Variants in OPCML observed in about 807,000 individuals in gnomAD.
The protein encoded by OPCML is opioid binding protein/cell adhesion molecule like.
A neutral mutation model predicts 37.8 loss-of-function variants in OPCML; 13 were observed. The ratio of observed to expected loss-of-function variants is 0.34; its 90% CI spans 0.22 to 0.55. OPCML has a LOEUF of 0.55. OPCML is among the 20% of genes least tolerant of loss of function. The pLI is 0.91. For synonymous variants in OPCML, 176 were observed against 168.8 expected, an observed-to-expected ratio of 1.04 and a Z score of -0.33; for missense variants, 341 against 435.6, an observed-to-expected ratio of 0.78 and a Z score of 1.93.
chr11:132,743,704 A>C (rs1323371208), intron 2 of OPCML, among the ~76,000 whole-genome samples: 3 of 152,218 alleles, frequency 2.0e-5, no homozygotes. Context: ...GTCACATTTT[A>C]CACCACATTC....
At chr11:132,585,503 G>A (rs2096470708) in intron 3 of OPCML, among the ~76,000 whole-genome samples, 1 of 152,066 alleles carries the variant, frequency 6.6e-6, no homozygotes, top group South Asian at 2.1e-4. Context: ...GGCTTTCTCT[G>A]GCCTATCATG....
At position 132,683,888 on chromosome 11, in the gene OPCML, G is replaced by T. The variant is rs542888309; in HGVS notation, c.147-26569C>A. On this transcript the variant is annotated intron_variant, in intron 2 of 7. Transcript: ENST00000524381. ...TGGGATTGCATTGCATCATATCAAA[G>T]CTCCCTTTCAGTTTTAATATTCTAT... 7.2e-5 allele frequency among the ~76,000 whole-genome samples: 11 copies of T among 152,132 alleles called. No individual in the cohort carries two copies. In the East Asian group the frequency reaches 1.6e-3, roughly 21 times the overall value.
chr11:132,859,820 T>C (rs1250183372), intron 2 of OPCML, among the ~76,000 whole-genome samples: 7 of 152,358 alleles, frequency 4.6e-5, no homozygotes, highest in Middle Eastern at 3.4e-3. Context: ...ATGTTCTTAA[T>C]TTTGTAAACA....
chr11:132,598,823 T>TA (rs1003406742), intron 3 of OPCML, among the ~76,000 whole-genome samples: 18 of 152,256 alleles, frequency 1.2e-4, no homozygotes, highest in African/African-American at 4.1e-4. Context: ...ATGTTTTTTT[T>TA]AAAAAAATTT....
chr11:132,861,464 T>C (rs1942296899), intron 2 of OPCML, among the ~76,000 whole-genome samples: 1 of 152,236 alleles, frequency 6.6e-6, no homozygotes, highest in Admixed American at 6.5e-5. Context: ...CAAATATACA[T>C]ATGTACTTGC....
intron 4 of OPCML, among the ~76,000 whole-genome samples, chr11:132,464,782 A>G (rs927575031): frequency 6.6e-6 from 1 of 152,114 alleles, no homozygotes; most frequent in African/African-American, 2.4e-5. Context: ...TTTTCACACA[A>G]TTAAAAAATG....
At chr11:132,938,437 A>T (rs968443851) in intron 2 of OPCML, among the ~76,000 whole-genome samples, 1 of 152,204 alleles carries the variant, frequency 6.6e-6, no homozygotes, top group Non-Finnish European at 1.5e-5. Context: ...AAGTGTGGGG[A>T]TAGAGGAAGA....
chr11:133,140,945 ACGAC>A (rs1949794979), intron 1 of OPCML, among the ~76,000 whole-genome samples: 1 of 11,128 alleles, frequency 9.0e-5, no homozygotes, highest in East Asian at 0.071. Context: ...GAAGAAGAAG[ACGAC>A]GAAGAAGAAG....
intron 3 of OPCML, among the ~76,000 whole-genome samples, chr11:132,610,190 A>G (rs1039527752): frequency 1.3e-5 from 2 of 152,160 alleles, no homozygotes; most frequent in Non-Finnish European, 2.9e-5. Context: ...GCTTAGGAAC[A>G]CCTATGCCTG....
At chr11:133,395,791 G>A (rs1236835251) in intron 1 of OPCML, among the ~76,000 whole-genome samples, 1 of 152,068 alleles carries the variant, frequency 6.6e-6, no homozygotes, top group Admixed American at 6.5e-5. Flanking sequence ...CTATAGCTCT[G>A]TAGTACAATT....
At chr11:133,153,134 C>T (rs1950010836) in intron 1 of OPCML, among the ~76,000 whole-genome samples, 2 of 152,064 alleles carry the variant, frequency 1.3e-5, no homozygotes, top group African/African-American at 4.8e-5. Context: ...GTCAAGCCTC[C>T]CACATTCTGC....
chr11:133,519,507 T>C (rs1948357076), intron 1 of OPCML, among the ~76,000 whole-genome samples: 1 of 152,030 alleles, frequency 6.6e-6, no homozygotes, highest in African/African-American at 2.4e-5. Flanking sequence ...AAAATATAGC[T>C]AAAAAATAAT....
Position 132,570,804 on chromosome 11 carries a change from T to TGAGAGAGAGAGAGAGAGAGAGAG in OPCML, c.380-41619_380-41618insCTCTCTCTCTCTCTCTCTCTCTC. Among the ~76,000 whole-genome samples the TGAGAGAGAGAGAGAGAGAGAGAG allele has an allele frequency of 9.9e-4, 90 of 90,748 alleles. 3 individuals are homozygous for TGAGAGAGAGAGAGAGAGAGAGAG. The highest frequency in any genetic ancestry group is 3.5e-3 in the African/African-American group (71 of 20,128). 59.5% of individuals were successfully genotyped at this position (90,748 alleles called of 152,430 possible). A position where few individuals can be genotyped will look rare whatever the true frequency, so the allele number is the denominator to read the frequency against. ...ATATATATATATATATATATATATT[T>TGAGAGAGAGAGAGAGAGAGAGAG]AGAGAGAGAGAGAGAGGATATATAC... On this transcript the variant is annotated intron_variant, in intron 3 of 7. Transcript: ENST00000524381.
At chr11:133,400,721 C>A (rs923305176) in intron 1 of OPCML, among the ~76,000 whole-genome samples, 1 of 152,308 alleles carries the variant, frequency 6.6e-6, no homozygotes, top group South Asian at 2.1e-4. Context: ...GGAGCAGTCT[C>A]CAATTCTCTG....
intron 1 of OPCML, chr11:133,009,082 C>A (rs1464254648): frequency 1.3e-5 from 13 of 985,338 alleles, no homozygotes; most frequent in Non-Finnish European, 1.6e-5. Flanking sequence ...CATGTATGGG[C>A]AGGTTTAGTG....
chr11:132,520,209 A>G (rs1237199657), intron 4 of OPCML, among the ~76,000 whole-genome samples: 1 of 152,210 alleles, frequency 6.6e-6, no homozygotes, highest in African/African-American at 2.4e-5. Flanking sequence ...ATTTGATTCA[A>G]TATATCATTT....
chr11:133,110,679 G>A (rs1453830), intron 1 of OPCML, among the ~76,000 whole-genome samples: 80,270 of 151,932 alleles, frequency 0.53, 21,577 homozygotes, highest in Admixed American at 0.58. Flanking sequence ...GTGCTGCAGG[G>A]GCCCTAGCCT....
chr11:132,547,234 T>A (rs575461932), intron 3 of OPCML, among the ~76,000 whole-genome samples: 18 of 152,164 alleles, frequency 1.2e-4, no homozygotes, highest in Non-Finnish European at 2.6e-4. Context: ...TTCTACAGTT[T>A]AACTGGGGGA....
At chr11:133,153,759 T>C (rs1950019468) in intron 1 of OPCML, among the ~76,000 whole-genome samples, 1 of 141,588 alleles carries the variant, frequency 7.1e-6, no homozygotes, top group South Asian at 2.3e-4. Flanking sequence ...GGAAGGAGGT[T>C]GCTTCCCTCT....
Sources: allele counts gnomAD v4.1 joint callset (sites outside exome capture counted in the v4.1 genomes callset), GRCh38; gene constraint gnomAD v4.1.1; transcripts MANE v1.5; gene names NCBI Gene and HGNC (gene_info 2026-07-23, HGNC 2026-07-21).